SKA2: variants seen among roughly 807,000 people sequenced by gnomAD.
SKA2 encodes the protein spindle and kinetochore associated complex subunit 2.
In SKA2, 13 loss-of-function variants were observed where a neutral mutation model predicts 16.9. The ratio of observed to expected loss-of-function variants is 0.77; its 90% CI spans 0.50 to 1.22. The LOEUF (loss-of-function observed/expected upper bound fraction) is 1.22. SKA2 is among the 50% of genes most tolerant of loss of function. SKA2 has a pLI of 0.00. For missense variants in SKA2, 107 were observed against 139.7 expected (o/e 0.77, Z 1.18); for synonymous variants, 47 against 48.5 (o/e 0.97, Z 0.13).
At chr17:59,140,247 G>A (rs1191485699) in intron 1 of SKA2, among the ~76,000 whole-genome samples, 1 of 131,344 alleles carries the variant, frequency 7.6e-6, no homozygotes, top group East Asian at 2.2e-4. Flanking sequence ...TTTTTTTTTT[G>A]AGATGAAGTC....
chr17:59,123,279 C>T (rs1185454904), intron 2 of SKA2, among the ~76,000 whole-genome samples: 2 of 125,440 alleles, frequency 1.6e-5, no homozygotes, highest in African/African-American at 6.0e-5. Flanking sequence ...TTAGAATTGG[C>T]TGGGTGTGAT....
intron 1 of SKA2, among the ~76,000 whole-genome samples, chr17:59,149,184 G>A (rs2046558005): frequency 6.6e-6 from 1 of 152,132 alleles, no homozygotes; most frequent in Non-Finnish European, 1.5e-5. Context: ...TCCCATTTCA[G>A]TATTTACTCA....
chr17:59,128,312 A>G (rs2046385474), intron 2 of SKA2, among the ~76,000 whole-genome samples: 1 of 152,038 alleles, frequency 6.6e-6, no homozygotes, highest in East Asian at 1.9e-4. Flanking sequence ...TGACGCTACA[A>G]CATGGATGAA....
intron 2 of SKA2, among the ~76,000 whole-genome samples, chr17:59,130,067 G>A (rs1441954113): frequency 1.3e-5 from 2 of 151,326 alleles, no homozygotes; most frequent in South Asian, 4.2e-4. Flanking sequence ...AGAAAAAAGG[G>A]AAGAAAAAAG....
At chr17:59,115,017 A>G (rs1391627320) in intron 3 of SKA2, among the ~76,000 whole-genome samples, 1 of 151,118 alleles carries the variant, frequency 6.6e-6, no homozygotes. Flanking sequence ...ACTACCTTAA[A>G]TGTAAATTTC....
At chr17:59,135,436 C>T (rs1218009566) in intron 1 of SKA2, among the ~76,000 whole-genome samples, 1 of 151,552 alleles carries the variant, frequency 6.6e-6, no homozygotes, top group Non-Finnish European at 1.5e-5. Context: ...CCTGCCTCAG[C>T]CTCCAAGTAG....
intron 1 of SKA2, among the ~76,000 whole-genome samples, chr17:59,140,032 C>G (rs1055678550): frequency 8.5e-5 from 13 of 152,156 alleles, no homozygotes; most frequent in African/African-American, 3.1e-4. Context: ...TTGGTTTTTG[C>G]CTTTTTCTGC....
At position 59,119,313 on chromosome 17, in the gene SKA2, C is replaced by T. The variant is rs1043302525; in HGVS notation, c.297+6G>A. 1.4e-5 allele frequency: 23 copies of T among 1,613,154 alleles called. 1 individual carries two copies. In the Middle Eastern group the frequency reaches 2.8e-3, roughly 197 times the overall value. On this transcript the variant is annotated splice_donor_region_variant and intron_variant, in intron 3 of 3. Transcript: ENST00000330137. ...ACAAATCTAACCTGTCAACTGAAAG[C>T]ATTACCTCCAGGTCTGTTTGCTTCT... is the stretch of plus-strand genomic sequence containing the variant.
chr17:59,114,954 T>A (rs1599656143), intron 3 of SKA2, among the ~76,000 whole-genome samples: 1 of 152,178 alleles, frequency 6.6e-6, no homozygotes, highest in African/African-American at 2.4e-5. Context: ...AAATATTCTT[T>A]ATCAGCACTG....
chr17:59,122,445 T>C (rs756986410), intron 2 of SKA2, among the ~76,000 whole-genome samples: 2 of 152,078 alleles, frequency 1.3e-5, no homozygotes, highest in Non-Finnish European at 2.9e-5. Flanking sequence ...ACCTCATCTC[T>C]ACTAATAATA....
intron 1 of SKA2, among the ~76,000 whole-genome samples, chr17:59,147,331 C>A (rs138688842): frequency 6.6e-6 from 1 of 151,224 alleles, no homozygotes; most frequent in Non-Finnish European, 1.5e-5. Context: ...AAAGCAGCTG[C>A]GCTTAAGGCC....
At chr17:59,118,437 T>G (rs1271583010) in intron 3 of SKA2, among the ~76,000 whole-genome samples, 1 of 152,228 alleles carries the variant, frequency 6.6e-6, no homozygotes, top group African/African-American at 2.4e-5. Context: ...TTCAATAAAT[T>G]TATGGTTCTA....
intron 2 of SKA2, among the ~76,000 whole-genome samples, chr17:59,122,574 G>A (rs2046342500): frequency 6.6e-6 from 1 of 152,116 alleles, no homozygotes; most frequent in Non-Finnish European, 1.5e-5. Flanking sequence ...TGGTACCACT[G>A]CACTCCAGCC....
At chr17:59,136,186 G>A (rs1245719320) in intron 1 of SKA2, among the ~76,000 whole-genome samples, 7 of 152,116 alleles carry the variant, frequency 4.6e-5, no homozygotes, top group Non-Finnish European at 8.8e-5. Flanking sequence ...TTTAGACCGA[G>A]TTTCGCTCTT....
intron 2 of SKA2, among the ~76,000 whole-genome samples, chr17:59,125,784 C>T (rs180704143): frequency 2.0e-5 from 3 of 151,896 alleles, no homozygotes; most frequent in Admixed American, 1.3e-4. Context: ...GAACAAAAAG[C>T]TCAGTTCAAT....
At chr17:59,124,860 T>A (rs1482205853) in intron 2 of SKA2, among the ~76,000 whole-genome samples, 1 of 152,218 alleles carries the variant, frequency 6.6e-6, no homozygotes, top group Non-Finnish European at 1.5e-5. Context: ...ATTTATGGCC[T>A]GTTTATGACA....
At position 59,119,396 on chromosome 17, in the gene SKA2, T is replaced by C. The variant is rs2046317918; in HGVS notation, c.220A>G (p.Ser74Gly). The C allele has an allele frequency of 6.2e-7, 1 of 1,613,878 alleles. No homozygotes were observed. The highest frequency in any genetic ancestry group is 8.5e-7 in the Non-Finnish European group (1 of 1,179,894). The change falls in exon 3 of 4, where the codon AGT becomes GGT. Residue 74 changes from serine (S) to glycine (G), a missense_variant. Ser to Gly is a moderately conservative substitution (Grantham distance 56). Transcript: ENST00000330137. Reference protein sequence around the residue: ...FKPVAVEQKESKSRICATVKK... With the variant: ...FKPVAVEQKEGKSRICATVKK... Reference sequence around the variant, plus strand: ...ACAGTAGCACAAATGCGGCTCTTACTCTCTTTCTGCTCAACAGCAACTGGT... The same window carrying C: ...ACAGTAGCACAAATGCGGCTCTTACCCTCTTTCTGCTCAACAGCAACTGGT...
chr17:59,119,206 A>C, intron 3 of SKA2, 113 bp downstream of exon 3: 1 of 1,155,498 alleles, frequency 8.7e-7, no homozygotes, highest in Non-Finnish European at 1.2e-6. Context: ...AAATCTTTCA[A>C]TAGTTCAAAC....
intron 1 of SKA2, among the ~76,000 whole-genome samples, chr17:59,134,208 G>A (rs1237934168): frequency 6.6e-6 from 1 of 151,912 alleles, no homozygotes; most frequent in Non-Finnish European, 1.5e-5. Context: ...AGAATGAGGA[G>A]AGACCAGGAG....
Sources: allele counts gnomAD v4.1 joint callset (sites outside exome capture counted in the v4.1 genomes callset), GRCh38; gene constraint gnomAD v4.1.1; transcripts MANE v1.5; gene names NCBI Gene and HGNC (gene_info 2026-07-23, HGNC 2026-07-21).